TMEM132D: variants seen among roughly 807,000 people sequenced by gnomAD.
TMEM132D encodes the protein mature OL transmembrane protein.
Under a neutral mutation model 62.3 loss-of-function variants are expected in TMEM132D, and 21 were observed. That is an observed-to-expected ratio of 0.34 (90% confidence interval 0.24 to 0.49). The LOEUF (loss-of-function observed/expected upper bound fraction) is 0.49, where lower values mean the gene tolerates loss of function less well. Ranked by LOEUF, TMEM132D falls within the 20% of genes least tolerant of loss-of-function variation. The pLI is 0.99. For synonymous variants in TMEM132D, 621 were observed against 575.6 expected (o/e 1.08, Z -1.13); for missense variants, 1,346 against 1,402.8 (o/e 0.96, Z 0.65).
At chr12:129,206,245 A>G (rs187306275) in intron 5 of TMEM132D, among the ~76,000 whole-genome samples, 1 of 152,360 alleles carries the variant, frequency 6.6e-6, no homozygotes, top group African/African-American at 2.4e-5. Flanking sequence ...TAAGGAAAAT[A>G]AACAATTTTA....
intron 2 of TMEM132D, among the ~76,000 whole-genome samples, chr12:129,541,439 G>T (rs531709018): frequency 1.9e-3 from 290 of 152,226 alleles, no homozygotes; most frequent in African/African-American, 6.7e-3. Flanking sequence ...TGCAGACCAG[G>T]TTTTCTCATT....
chr12:129,245,508 C>CTAT (rs1453848782), intron 4 of TMEM132D, among the ~76,000 whole-genome samples: 1 of 151,370 alleles, frequency 6.6e-6, no homozygotes, highest in African/African-American at 2.4e-5. Context: ...AATAAAGCTG[C>CTAT]TATAAACATC....
At chr12:129,100,348 T>C (rs1565963778) in intron 5 of TMEM132D, among the ~76,000 whole-genome samples, 1 of 152,212 alleles carries the variant, frequency 6.6e-6, no homozygotes, top group Non-Finnish European at 1.5e-5. Context: ...AAACCCACTT[T>C]AATTAGGTCA....
intron 2 of TMEM132D, among the ~76,000 whole-genome samples, chr12:129,636,616 G>A (rs983477284): frequency 6.6e-6 from 1 of 151,512 alleles, no homozygotes; most frequent in Non-Finnish European, 1.5e-5. Context: ...ATTTGTCAAA[G>A]CAAAGACTTT....
intron 4 of TMEM132D, among the ~76,000 whole-genome samples, chr12:129,235,981 G>A (rs957579729): frequency 1.1e-4 from 17 of 151,824 alleles, no homozygotes; most frequent in African/African-American, 3.4e-4. Context: ...ATCCATGAAC[G>A]TGGAATATCT....
At chr12:129,229,588 G>A (rs1328983852) in intron 4 of TMEM132D, among the ~76,000 whole-genome samples, 1 of 152,248 alleles carries the variant, frequency 6.6e-6, no homozygotes, top group East Asian at 1.9e-4. Flanking sequence ...TTTTCTGTAG[G>A]CTGGGAGAAG....
At chr12:129,768,449 TTTTAAGGACGGTTCCTTAAAAA>T (rs1232133569) in intron 1 of TMEM132D, among the ~76,000 whole-genome samples, 8 of 151,696 alleles carry the variant, frequency 5.3e-5, no homozygotes, top group Admixed American at 6.6e-5. Flanking sequence ...GTTTTTAATT[TTTTAAGGACGGTTCCTTAAAAA>T]TTTAAGGAAC....
At chr12:129,222,349 T>C (rs1477893830) in intron 4 of TMEM132D, among the ~76,000 whole-genome samples, 1 of 152,200 alleles carries the variant, frequency 6.6e-6, no homozygotes, top group Non-Finnish European at 1.5e-5. Flanking sequence ...TCCAAAAGCA[T>C]TTACAATGAA....
intron 3 of TMEM132D, among the ~76,000 whole-genome samples, chr12:129,440,659 C>A (rs1211108089): frequency 6.6e-6 from 1 of 152,124 alleles, no homozygotes; most frequent in South Asian, 2.1e-4. Flanking sequence ...CAACCCATAG[C>A]TGAAGCCCAG....
intron 4 of TMEM132D, among the ~76,000 whole-genome samples, chr12:129,221,743 A>G (rs1055831358): frequency 6.6e-6 from 1 of 152,042 alleles, no homozygotes; most frequent in African/African-American, 2.4e-5. Flanking sequence ...ATAACAACCA[A>G]TCACCCTGTC....
In TMEM132D at chr12:129,107,495, A is replaced by T. The variant is rs551600668; in HGVS notation, c.1444-22793T>A. 5.9e-5 allele frequency among the ~76,000 whole-genome samples: 9 copies of T among 152,342 alleles called. No individual in the cohort carries two copies. The South Asian group carries it at 1.9e-3, about 32-fold the overall frequency. ...AATGATGCAGATTGAATGCAGGTTGACACTTAGTAGCTGCTGAAGACATTT... is the reference window on the plus strand; with the variant it reads ...AATGATGCAGATTGAATGCAGGTTGTCACTTAGTAGCTGCTGAAGACATTT... On this transcript the variant is annotated intron_variant, in intron 5 of 8. Transcript: ENST00000422113.
chr12:129,876,867 AATCT>A (rs1198654582), intron 1 of TMEM132D, among the ~76,000 whole-genome samples: 12 of 152,274 alleles, frequency 7.9e-5, no homozygotes, highest in African/African-American at 2.9e-4. Flanking sequence ...TAGCCAAGTC[AATCT>A]GTTGACTGCC....
At chr12:129,350,919 T>A (rs1468511840) in intron 3 of TMEM132D, among the ~76,000 whole-genome samples, 4 of 152,210 alleles carry the variant, frequency 2.6e-5, no homozygotes, top group Non-Finnish European at 5.9e-5. Context: ...ACATGACGAA[T>A]GAGGGCAAAT....
rs76327249 is a variant in TMEM132D, at chr12:129,822,648, G to T, written c.79+80613C>A. Among the ~76,000 whole-genome samples the T allele has an allele frequency of 2.6e-5, 4 of 152,206 alleles. No homozygotes were observed. In the South Asian group the frequency reaches 6.2e-4, roughly 24 times the overall value. ...GTTTAATTGACTCACAGTTCCACACGGCTGCCAAGCCTCAGGAAACCTACA... is the reference window on the plus strand; with the variant it reads ...GTTTAATTGACTCACAGTTCCACACTGCTGCCAAGCCTCAGGAAACCTACA... On this transcript the variant is annotated intron_variant, in intron 1 of 8. Coordinates refer to ENST00000422113, the MANE Select transcript of TMEM132D (RefSeq NM_133448.3).
chr12:129,102,095 A>G (rs76543302), intron 5 of TMEM132D, among the ~76,000 whole-genome samples: 10,444 of 151,798 alleles, frequency 0.069, 1,214 homozygotes, highest in African/African-American at 0.24. Context: ...AAGGTGGCAG[A>G]GATGACCCTT....
intron 5 of TMEM132D, among the ~76,000 whole-genome samples, chr12:129,207,047 G>A (rs995507260): frequency 6.6e-6 from 1 of 152,056 alleles, no homozygotes; most frequent in African/African-American, 2.4e-5. Context: ...AAAGCCCTGT[G>A]ACACGCAGGT....
chr12:129,888,516 G>A (rs904167990), intron 1 of TMEM132D, among the ~76,000 whole-genome samples: 1 of 152,060 alleles, frequency 6.6e-6, no homozygotes, highest in Non-Finnish European at 1.5e-5. Flanking sequence ...TGGACAACAT[G>A]GTGAAACCCC....
At chr12:129,234,494 T>C (rs1432559216) in intron 4 of TMEM132D, among the ~76,000 whole-genome samples, 2 of 152,238 alleles carry the variant, frequency 1.3e-5, no homozygotes, top group Non-Finnish European at 2.9e-5. Flanking sequence ...GGCTTGACTT[T>C]GGCTTTCAAA....
intron 2 of TMEM132D, among the ~76,000 whole-genome samples, chr12:129,577,569 G>T (rs1052561808): frequency 6.6e-6 from 1 of 151,590 alleles, no homozygotes; most frequent in Non-Finnish European, 1.5e-5. Context: ...TTTTATATTA[G>T]ATTTGTATAA....
Sources: allele counts gnomAD v4.1 joint callset (sites outside exome capture counted in the v4.1 genomes callset), GRCh38; gene constraint gnomAD v4.1.1; transcripts MANE v1.5; gene names NCBI Gene and HGNC (gene_info 2026-07-23, HGNC 2026-07-21).